AGBL1: variants seen among roughly 807,000 people sequenced by gnomAD.
AGBL1 encodes AGBL carboxypeptidase 1.
AGBL1 carries 130 observed loss-of-function variants against 118.9 expected under a neutral mutation model. That is an observed-to-expected ratio of 1.09 (90% confidence interval 0.95 to 1.26). AGBL1 has a LOEUF of 1.26. Ranked by LOEUF, AGBL1 falls within the 50% of genes most tolerant of loss-of-function variation. The probability of loss-of-function intolerance (pLI) is 0.00; values close to 1 mark genes in which losing one functional copy is unlikely to be tolerated. For synonymous variants in AGBL1, 555 were observed against 478.9 expected (o/e 1.16, Z -2.08); for missense variants, 1,584 against 1,298.1 (o/e 1.22, Z -3.38).
chr15:86,512,440 A>C (rs984167309), intron 18 of AGBL1, among the ~76,000 whole-genome samples: 1 of 149,228 alleles, frequency 6.7e-6, no homozygotes, highest in Non-Finnish European at 1.5e-5. Context: ...TTTTTATTTA[A>C]TACTTTGAAT....
intron 21 of AGBL1, among the ~76,000 whole-genome samples, chr15:86,628,061 T>C (rs2084914175): frequency 1.3e-5 from 2 of 152,234 alleles, no homozygotes; most frequent in Admixed American, 1.3e-4. Context: ...AGGTGTCCTC[T>C]GTCTTTCCAA....
chr15:86,812,004 T>C (rs1414988084), intron 22 of AGBL1, among the ~76,000 whole-genome samples: 1 of 152,178 alleles, frequency 6.6e-6, no homozygotes, highest in Non-Finnish European at 1.5e-5. Context: ...TCAATCAACA[T>C]ATAAGAACGC....
At chr15:86,569,617 A>G (rs978166819) in intron 21 of AGBL1, among the ~76,000 whole-genome samples, 4 of 152,222 alleles carry the variant, frequency 2.6e-5, no homozygotes, top group Non-Finnish European at 4.4e-5. Flanking sequence ...AACTCACTGC[A>G]GTCTTAATTA....
chr15:86,979,272 A>G lies in AGBL1; in HGVS notation c.3222-8715A>G, dbSNP rs188403933. On this transcript the variant is annotated intron_variant, in intron 23 of 24. Coordinates refer to the AGBL1 transcript ENST00000441037. The stretch of plus-strand genomic sequence containing the variant: ...TATGACAATTTGGGAAATGCAGTGC[A>G]ATATTGAAAATGCAAACAAAAATTC... 3.7e-3 allele frequency among the ~76,000 whole-genome samples: 561 copies of G among 152,314 alleles called. 9 individuals carry two copies. The highest frequency in any genetic ancestry group is 0.013 in the African/African-American group (527 of 41,566).
chr15:86,145,782 G>C (rs2077025497), intron 3 of AGBL1, among the ~76,000 whole-genome samples: 1 of 152,174 alleles, frequency 6.6e-6, no homozygotes, highest in Non-Finnish European at 1.5e-5. Flanking sequence ...TGATGACCAA[G>C]GCAGTTAAGG....
rs559461175 is a variant in AGBL1, at chr15:86,987,536, AGTG to A, written c.3222-447_3222-445del. ...TCCTCCTTTTATATTATTAAACAAA[AGTG>A]GTGAAATTTGGCTGTTTTTAATTAG... On this transcript the variant is annotated intron_variant, in intron 23 of 24. Transcript: ENST00000441037. 9.2e-5 allele frequency among the ~76,000 whole-genome samples: 14 copies of A among 152,292 alleles called. No individual in the cohort carries two copies. The East Asian group carries it at 2.5e-3, about 27-fold the overall frequency.
chr15:86,986,622 G>T (rs1428892951), intron 23 of AGBL1, among the ~76,000 whole-genome samples: 2 of 152,142 alleles, frequency 1.3e-5, no homozygotes, highest in Non-Finnish European at 2.9e-5. Context: ...TTAGACTGGG[G>T]TTGTGTCGAA....
intron 21 of AGBL1, among the ~76,000 whole-genome samples, chr15:86,608,310 C>T (rs148967226): frequency 6.6e-6 from 1 of 152,184 alleles, no homozygotes; most frequent in Non-Finnish European, 1.5e-5. Context: ...TAGACACAGG[C>T]TCGAGCTAGA....
At chr15:86,925,463 A>G (rs1045686868) in intron 23 of AGBL1, among the ~76,000 whole-genome samples, 10 of 152,156 alleles carry the variant, frequency 6.6e-5, no homozygotes, top group African/African-American at 2.4e-4. Context: ...ACTGATAATC[A>G]GGAAGCTTTT....
chr15:86,583,406 T>A, intron 21 of AGBL1, among the ~76,000 whole-genome samples: 1 of 152,130 alleles, frequency 6.6e-6, no homozygotes. Context: ...CAATGTTTAG[T>A]TCCCACTTAT....
intron 6 of AGBL1, among the ~76,000 whole-genome samples, chr15:86,235,879 G>A (rs954410196): frequency 1.3e-5 from 2 of 152,160 alleles, no homozygotes; most frequent in African/African-American, 2.4e-5. Context: ...GATTGCTGCT[G>A]AACATCCTAC....
chr15:86,643,114 C>T (rs1327120738), intron 21 of AGBL1, among the ~76,000 whole-genome samples: 1 of 152,128 alleles, frequency 6.6e-6, no homozygotes, highest in Non-Finnish European at 1.5e-5. Context: ...CAATTTCAGT[C>T]ATCACATTTT....
chr15:86,865,604 C>G (rs957445870), intron 22 of AGBL1, among the ~76,000 whole-genome samples: 1 of 152,200 alleles, frequency 6.6e-6, no homozygotes, highest in African/African-American at 2.4e-5. Context: ...CTCAGTATAA[C>G]TGAGAGAAAA....
intron 24 of AGBL1, among the ~76,000 whole-genome samples, chr15:86,991,152 T>A (rs1027098710): frequency 1.3e-5 from 2 of 152,188 alleles, no homozygotes; most frequent in African/African-American, 4.8e-5. Context: ...CTCGCTGTCT[T>A]CTCCCATGAT....
chr15:86,624,009 G>C (rs2084848851), intron 21 of AGBL1, among the ~76,000 whole-genome samples: 2 of 152,072 alleles, frequency 1.3e-5, no homozygotes, highest in South Asian at 4.1e-4. Context: ...ATAAAACTAG[G>C]GGCCTTTCCA....
intron 21 of AGBL1, among the ~76,000 whole-genome samples, chr15:86,568,734 T>G (rs1299591113): frequency 6.6e-6 from 1 of 152,154 alleles, no homozygotes; most frequent in Non-Finnish European, 1.5e-5. Flanking sequence ...TAACCAGATC[T>G]CCAGGTGATC....
chr15:86,847,209 G>A (rs1047882635), intron 22 of AGBL1, among the ~76,000 whole-genome samples: 3 of 152,026 alleles, frequency 2.0e-5, no homozygotes, highest in Non-Finnish European at 4.4e-5. Flanking sequence ...TATTTATAAT[G>A]GCTACTTTGA....
intron 13 of AGBL1, among the ~76,000 whole-genome samples, 186 bp from the exon 14 acceptor site, chr15:86,269,733 C>A (rs1047281380): frequency 6.6e-6 from 1 of 152,210 alleles, no homozygotes; most frequent in Non-Finnish European, 1.5e-5. Context: ...GCCCCCTCAC[C>A]TCCATGAATT....
downstream of AGBL1, among the ~76,000 whole-genome samples, chr15:86,917,603 C>A (rs1177792991): frequency 1.3e-5 from 2 of 152,168 alleles, no homozygotes; most frequent in African/African-American, 4.8e-5. The surrounding 1 kb of genome is among the most constrained non-coding windows in gnomAD (Gnocchi z 4.8). Context: ...TTGTTCCAGG[C>A]CTTGTCATTG....
Sources: allele counts gnomAD v4.1 joint callset (sites outside exome capture counted in the v4.1 genomes callset), GRCh38; gene constraint gnomAD v4.1.1; non-coding constraint Gnocchi (gnomAD v3.1); transcripts MANE v1.5; gene names NCBI Gene and HGNC (gene_info 2026-07-23, HGNC 2026-07-21).